Variants in PDE2A observed in about 807,000 individuals in gnomAD.
PDE2A encodes the protein phosphodiesterase 2A.
In PDE2A, 53 loss-of-function variants were observed where a neutral mutation model predicts 133.6. The ratio of observed to expected loss-of-function variants is 0.40; its 90% CI spans 0.32 to 0.50. The LOEUF is 0.50. Among genes scored for constraint, PDE2A ranks in the 20% least tolerant of loss-of-function variants. The pLI is 0.73. For synonymous variants in PDE2A, 491 were observed against 490.2 expected (o/e 1.00, Z -0.02); for missense variants, 796 against 1,232.4 (o/e 0.65, Z 5.30).
At chr11:72,603,324 A>C (rs1394609098) in intron 4 of PDE2A, among the ~76,000 whole-genome samples, 1 of 151,992 alleles carries the variant, frequency 6.6e-6, no homozygotes, top group African/African-American at 2.4e-5. Flanking sequence ...GGCCTTACTG[A>C]GTCTGAAGTG....
chr11:72,629,410 A>G (rs1010773511), intron 2 of PDE2A, among the ~76,000 whole-genome samples: 2 of 152,204 alleles, frequency 1.3e-5, no homozygotes, highest in African/African-American at 2.4e-5. Context: ...TGGGTGGATG[A>G]CAAATCCAGT....
chr11:72,631,858 C>A (rs75259675), intron 2 of PDE2A, among the ~76,000 whole-genome samples: 1 of 152,346 alleles, frequency 6.6e-6, no homozygotes, highest in African/African-American at 2.4e-5. Context: ...CAGGGCCTGG[C>A]TGCCAGGCTC....
chr11:72,601,407 G>A (rs1482066676), intron 4 of PDE2A, among the ~76,000 whole-genome samples: 2 of 125,350 alleles, frequency 1.6e-5, no homozygotes, highest in Non-Finnish European at 3.4e-5. Context: ...CAGCATGTGA[G>A]GATCCCGAGA....
chr11:72,617,796 G>A (rs1857547070), intron 2 of PDE2A, among the ~76,000 whole-genome samples: 1 of 152,190 alleles, frequency 6.6e-6, no homozygotes, highest in South Asian at 2.1e-4. Context: ...GTTGGGAGAA[G>A]AGCGGGGTCC....
intron 2 of PDE2A, chr11:72,636,051 G>A (rs1383762060): frequency 7.8e-7 from 1 of 1,274,822 alleles, no homozygotes; most frequent in Non-Finnish European, 1.0e-6. Flanking sequence ...ACCGTGGATG[G>A]GAGGCATGCA....
At chr11:72,656,991 TTCTCTGCTCCGCA>T (rs1181280785) in intron 1 of PDE2A, among the ~76,000 whole-genome samples, 4 of 152,142 alleles carry the variant, frequency 2.6e-5, no homozygotes, top group Admixed American at 2.6e-4. Context: ...TCCTCCCACG[TTCTCTGCTCCGCA>T]TCTCACACTT....
chr11:72,664,826 G>T (rs1160202693), intron 1 of PDE2A, among the ~76,000 whole-genome samples: 1 of 151,552 alleles, frequency 6.6e-6, no homozygotes, highest in Non-Finnish European at 1.5e-5. Context: ...CTTTGTTTGA[G>T]GCAGAGTTTT....
chr11:72,663,491 G>T (rs1855134974), intron 1 of PDE2A, among the ~76,000 whole-genome samples: 1 of 152,184 alleles, frequency 6.6e-6, no homozygotes, highest in Admixed American at 6.5e-5. Context: ...CACTTTGGGA[G>T]GTCAAGGCGG....
At chr11:72,673,804 C>T (rs887202437) in intron 1 of PDE2A, among the ~76,000 whole-genome samples, 1 of 152,054 alleles carries the variant, frequency 6.6e-6, no homozygotes, top group African/African-American at 2.4e-5. Context: ...AACTACTTGG[C>T]AGACCTCCCC....
chr11:72,634,108 G>C (rs935110376), intron 2 of PDE2A, among the ~76,000 whole-genome samples: 9 of 152,186 alleles, frequency 5.9e-5, no homozygotes, highest in Non-Finnish European at 1.5e-5. Flanking sequence ...CGCCAGAGAC[G>C]AGACCTCACG....
At chr11:72,629,960 C>T (rs1858290717) in intron 2 of PDE2A, among the ~76,000 whole-genome samples, 2 of 152,140 alleles carry the variant, frequency 1.3e-5, no homozygotes, top group Non-Finnish European at 1.5e-5. Flanking sequence ...CAGGCCTGGG[C>T]AGACTCTGTT....
At chr11:72,661,231 G>A (rs1265490652) in intron 1 of PDE2A, among the ~76,000 whole-genome samples, 1 of 152,124 alleles carries the variant, frequency 6.6e-6, no homozygotes, top group Non-Finnish European at 1.5e-5. Flanking sequence ...CCTGAACCTG[G>A]GAGGTGGAGG....
At chr11:72,580,441 C>T in intron 25 of PDE2A, 136 bp downstream of exon 25, 1 of 714,274 alleles carries the variant, frequency 1.4e-6, no homozygotes, top group South Asian at 1.6e-5. Context: ...ATGAGCCAGA[C>T]ATGTCCTAGG....
intron 1 of PDE2A, chr11:72,649,306 C>T (rs1854654083): frequency 1.3e-5 from 2 of 152,276 alleles, no homozygotes; most frequent in Non-Finnish European, 2.9e-5. Context: ...CTACAGACTA[C>T]AGGAATCAGT....
chr11:72,625,175 G>T (rs1186381473), intron 2 of PDE2A, among the ~76,000 whole-genome samples: 1 of 152,182 alleles, frequency 6.6e-6, no homozygotes, highest in East Asian at 1.9e-4. Flanking sequence ...AGGAACCCTG[G>T]GCCCTCTGCC....
rs918355731 is a variant in PDE2A, at chr11:72,576,664, G to T, written c.*720C>A. ...TTGGCCCAGACAGGGGAAGAGACTC[G>T]CCCAGCGTCACACAGGCAGGAGGAA... On this transcript the variant is annotated 3_prime_UTR_variant, in exon 31 of 31. Transcript: ENST00000334456. The T allele has an allele frequency of 1.2e-5, 2 of 169,424 alleles. No homozygotes were observed. The highest frequency in any genetic ancestry group is 2.4e-5 in the African/African-American group (1 of 41,518). 10.5% of individuals were successfully genotyped at this position (169,424 alleles called of 1,614,324 possible).
intron 2 of PDE2A, among the ~76,000 whole-genome samples, chr11:72,624,638 A>G (rs1857956041): frequency 6.6e-6 from 1 of 152,204 alleles, no homozygotes; most frequent in African/African-American, 2.4e-5. Flanking sequence ...TTTGATTCTC[A>G]TGGAGACACA....
chr11:72,587,253 G>A (rs1856019116), intron 13 of PDE2A, among the ~76,000 whole-genome samples: 1 of 152,304 alleles, frequency 6.6e-6, no homozygotes, highest in African/African-American at 2.4e-5. Context: ...CTTTGCTAAT[G>A]TCGTCAGTGT....
intron 1 of PDE2A, among the ~76,000 whole-genome samples, chr11:72,666,564 C>T (rs1209868351): frequency 6.6e-6 from 1 of 152,060 alleles, no homozygotes; most frequent in Non-Finnish European, 1.5e-5. Context: ...AAAGCGCGAC[C>T]CAGGAGAAAA....
Sources: allele counts gnomAD v4.1 joint callset (sites outside exome capture counted in the v4.1 genomes callset), GRCh38; gene constraint gnomAD v4.1.1; transcripts MANE v1.5; gene names NCBI Gene and HGNC (gene_info 2026-07-23, HGNC 2026-07-21).